Variants in SCN11A observed in about 807,000 individuals in gnomAD.
SCN11A encodes sodium voltage-gated channel alpha subunit 11.
SCN11A carries 122 observed loss-of-function variants against 162.2 expected under a neutral mutation model. That is an observed-to-expected ratio of 0.75 (90% confidence interval 0.65 to 0.87). SCN11A has a LOEUF of 0.87. Among genes scored for constraint, SCN11A ranks in the 40% least tolerant of loss-of-function variants. The pLI, the probability that SCN11A is intolerant of heterozygous loss-of-function variation, is 0.00. For synonymous variants in SCN11A, 758 were observed against 751.5 expected, an observed-to-expected ratio of 1.01 and a Z score of -0.14; for missense variants, 2,015 against 2,181.6, an observed-to-expected ratio of 0.92 and a Z score of 1.52.
chr3:38,872,430 C>T, intron 23 of SCN11A, 136 bp from the exon 24 acceptor site: 1 of 586,226 alleles, frequency 1.7e-6, no homozygotes, highest in Non-Finnish European at 3.1e-6. Flanking sequence ...TAGTGAAAGA[C>T]ATAGAAAATC....
rs948236689 is a variant in SCN11A at position 38,855,773 on chromosome 3, C to T, written c.4057-5022G>A. 1.9e-4 allele frequency among the ~76,000 whole-genome samples: 29 copies of T among 152,202 alleles called. 1 individual carries two copies. Among genetic ancestry groups the T allele is most frequent in the Non-Finnish European group, 2.9e-5 (2 of 68,026 alleles). ...ACCAGCATTTGAGAAAGCCAGCATACTAAATGTATCTACAGCCAAGGACTC... is the reference window on the plus strand; with the variant it reads ...ACCAGCATTTGAGAAAGCCAGCATATTAAATGTATCTACAGCCAAGGACTC... On this transcript the variant is annotated intron_variant, in intron 28 of 29. Coordinates refer to ENST00000302328, the MANE Select transcript of SCN11A (RefSeq NM_001349253.2).
chr3:39,038,248 A>G (rs1377463486), intron 1 of SCN11A, among the ~76,000 whole-genome samples: 2 of 152,234 alleles, frequency 1.3e-5, no homozygotes, highest in African/African-American at 4.8e-5. Flanking sequence ...GGTTGGTTGT[A>G]GCTCAGAGTT....
chr3:38,905,102 T>C, intron 15 of SCN11A, 90 bp downstream of exon 15: 1 of 1,564,238 alleles, frequency 6.4e-7, no homozygotes, highest in Non-Finnish European at 8.8e-7. Context: ...ACAGCCTCCT[T>C]TGCAGAGGGC....
chr3:38,937,261 T>C (rs1157809897), intron 7 of SCN11A, among the ~76,000 whole-genome samples: 2 of 151,294 alleles, frequency 1.3e-5, no homozygotes, highest in African/African-American at 2.4e-5. Context: ...CCTAAAACCA[T>C]AAAAATCCTA....
At chr3:38,990,088 G>C (rs2030405141) in intron 2 of SCN11A, among the ~76,000 whole-genome samples, 1 of 152,194 alleles carries the variant, frequency 6.6e-6, no homozygotes, top group Non-Finnish European at 1.5e-5. Flanking sequence ...GGCTCCCTGG[G>C]GATCAGGGGA....
chr3:38,995,039 C>G (rs2030577282), intron 2 of SCN11A, among the ~76,000 whole-genome samples: 1 of 152,110 alleles, frequency 6.6e-6, no homozygotes, highest in South Asian at 2.1e-4. Flanking sequence ...GGGAAGCTAA[C>G]AAGCTTGACA....
At chr3:39,049,579 T>C (rs1047569008) in intron 1 of SCN11A, among the ~76,000 whole-genome samples, 1 of 152,178 alleles carries the variant, frequency 6.6e-6, no homozygotes, top group Non-Finnish European at 1.5e-5. Context: ...TCCCAGAGCA[T>C]GGGGTATTGG....
At chr3:38,924,708 C>T (rs1468793894) in intron 9 of SCN11A, among the ~76,000 whole-genome samples, 1 of 152,022 alleles carries the variant, frequency 6.6e-6, no homozygotes, top group Non-Finnish European at 1.5e-5. Flanking sequence ...GAGGCTTTTC[C>T]ATATTGGCCA....
rs1559482375 is a variant in SCN11A at position 38,847,047 on chromosome 3, C to T, written c.5023G>A (p.Val1675Met). 3 of 1,614,110 alleles carry T rather than the reference C, an allele frequency of 1.9e-6. No homozygotes were observed. Among genetic ancestry groups the T allele is most frequent in the Non-Finnish European group, 2.5e-6 (3 of 1,180,006 alleles). ...ATGCAGTGGAGGCGATCTTCACTCA[C>T]CATGGGCAAGTCCATTACTAGAAAT... Reference protein sequence around the residue: ...YQFLVMDLPMVSEDRLHCMDI... With the variant: ...YQFLVMDLPMMSEDRLHCMDI... The change falls in exon 30 of 30, where the codon GTG becomes ATG. Residue 1675 changes from valine to methionine, a missense_variant. Physicochemically the swap from Val to Met is conservative, Grantham distance 21. Transcript: ENST00000302328.
chr3:38,902,448 C>T (rs2065716542), intron 16 of SCN11A, among the ~76,000 whole-genome samples: 1 of 152,106 alleles, frequency 6.6e-6, no homozygotes, highest in Non-Finnish European at 1.5e-5. Flanking sequence ...TACTACAGTT[C>T]CACTGTATCA....
chr3:39,041,789 T>C (rs1190475961), intron 1 of SCN11A, among the ~76,000 whole-genome samples: 4 of 150,328 alleles, frequency 2.7e-5, no homozygotes, highest in Admixed American at 6.6e-5. Flanking sequence ...GATACACAAA[T>C]GAGAAAGAAA....
chr3:38,907,357 TAC>T (rs376599495), intron 14 of SCN11A, among the ~76,000 whole-genome samples: 182 of 128,558 alleles, frequency 1.4e-3, no homozygotes, highest in East Asian at 3.9e-3. Context: ...TATCTATATA[TAC>T]ACACACACAC....
At chr3:38,958,870 A>C (rs2066713448) in intron 3 of SCN11A, among the ~76,000 whole-genome samples, 1 of 152,212 alleles carries the variant, frequency 6.6e-6, no homozygotes, top group Admixed American at 6.5e-5. Context: ...GATATATATT[A>C]TTCTTGGGGA....
At chr3:38,876,930 C>T (rs1327811510) in intron 23 of SCN11A, among the ~76,000 whole-genome samples, 2 of 150,884 alleles carry the variant, frequency 1.3e-5, no homozygotes, top group Non-Finnish European at 3.0e-5. Context: ...TTCGCAATTG[C>T]AAAAATATGG....
intron 2 of SCN11A, among the ~76,000 whole-genome samples, chr3:39,006,010 A>C (rs1300344955): frequency 1.3e-5 from 2 of 152,204 alleles, no homozygotes. Context: ...ATGACAGTTT[A>C]GCTTGGTATA....
intron 5 of SCN11A, among the ~76,000 whole-genome samples, chr3:38,949,687 G>T (rs1439194111): frequency 6.6e-6 from 1 of 152,160 alleles, no homozygotes. Context: ...TCTAAGGTAG[G>T]AACATCAGGC....
chr3:39,015,450 C>T (rs1361776891), intron 2 of SCN11A, among the ~76,000 whole-genome samples: 2 of 152,194 alleles, frequency 1.3e-5, no homozygotes, highest in African/African-American at 4.8e-5. Context: ...AAAAAAGAGA[C>T]TGACTTATGG....
rs770993489 is a variant in SCN11A at position 38,894,862 on chromosome 3, G to T, written c.2506C>A (p.Leu836Met). 6.2e-7 allele frequency: 1 copy of T among 1,614,216 alleles called. No homozygotes were observed. The highest frequency in any genetic ancestry group is 8.5e-7 in the Non-Finnish European group (1 of 1,180,026). The change falls in exon 19 of 30, where the codon CTG becomes ATG. Residue 836 changes from leucine to methionine, a missense_variant. Physicochemically the swap from Leu to Met is conservative, Grantham distance 15. Coordinates refer to ENST00000302328, the MANE Select transcript of SCN11A (RefSeq NM_001349253.2). ...CAAAAAGCCCGGCGGAATCGATCCA[G>T]TGCTAACTGGACTTTAGTTTTCCTG... Reference protein sequence around the residue: ...EARKTKVQLALDRFRRAFCFV... With the variant: ...EARKTKVQLAMDRFRRAFCFV...
chr3:38,997,993 C>T (rs1249495985), intron 2 of SCN11A, among the ~76,000 whole-genome samples: 3 of 152,146 alleles, frequency 2.0e-5, no homozygotes, highest in Non-Finnish European at 2.9e-5. Context: ...TATTAAATAT[C>T]TATAACTTAA....
Sources: allele counts gnomAD v4.1 joint callset (sites outside exome capture counted in the v4.1 genomes callset), GRCh38; gene constraint gnomAD v4.1.1; transcripts MANE v1.5; gene names NCBI Gene and HGNC (gene_info 2026-07-23, HGNC 2026-07-21).